Variants in CNTNAP5 observed in about 807,000 individuals in gnomAD.
The protein encoded by CNTNAP5 is contactin-associated protein-like 5.
In CNTNAP5, 72 loss-of-function variants were observed where a neutral mutation model predicts 150.2. The ratio of observed to expected loss-of-function variants is 0.48; its 90% CI spans 0.40 to 0.58. CNTNAP5 has a LOEUF of 0.58. Ranked by LOEUF, CNTNAP5 falls within the 20% of genes least tolerant of loss-of-function variation. The pLI is 0.00. For synonymous variants in CNTNAP5, 672 were observed against 619.8 expected (o/e 1.08, Z -1.25); for missense variants, 1,636 against 1,626.2 (o/e 1.01, Z -0.10).
intron 10 of CNTNAP5, among the ~76,000 whole-genome samples, chr2:124,561,046 T>C (rs1401704908): frequency 6.6e-6 from 1 of 152,100 alleles, no homozygotes; most frequent in Admixed American, 6.5e-5. Context: ...ATTTCTTGTT[T>C]TGTTGGGGGA....
At chr2:124,579,159 G>C (rs2104947096) in intron 11 of CNTNAP5, among the ~76,000 whole-genome samples, 1 of 152,260 alleles carries the variant, frequency 6.6e-6, no homozygotes, top group South Asian at 2.1e-4. Flanking sequence ...CAAAAATAAT[G>C]CTGCCAGGAG....
At chr2:124,866,581 G>A (rs762561505) in intron 20 of CNTNAP5, among the ~76,000 whole-genome samples, 17 of 152,024 alleles carry the variant, frequency 1.1e-4, no homozygotes, top group Non-Finnish European at 1.8e-4. Flanking sequence ...ACAGGGAGGA[G>A]GAGAGTGCTC....
chr2:124,886,011 G>A (rs555634157), intron 21 of CNTNAP5, among the ~76,000 whole-genome samples: 85 of 151,962 alleles, frequency 5.6e-4, no homozygotes, highest in Non-Finnish European at 9.0e-4. Flanking sequence ...CCTTTTGAAA[G>A]CCATTAACAC....
intron 14 of CNTNAP5, among the ~76,000 whole-genome samples, chr2:124,756,936 TAAAAA>T (rs1398739531): frequency 2.0e-5 from 3 of 151,602 alleles, no homozygotes; most frequent in African/African-American, 4.9e-5. Flanking sequence ...AAGTTGGAAA[TAAAAA>T]GAAAAGAAAC....
At chr2:124,749,299 G>A (rs1180883078) in intron 14 of CNTNAP5, among the ~76,000 whole-genome samples, 1 of 152,014 alleles carries the variant, frequency 6.6e-6, no homozygotes, top group African/African-American at 2.4e-5. Flanking sequence ...AGGTAGAAGT[G>A]CTTCCCCCTA....
intron 3 of CNTNAP5, among the ~76,000 whole-genome samples, chr2:124,376,209 G>A (rs937693948): frequency 9.9e-5 from 15 of 152,026 alleles, no homozygotes; most frequent in Non-Finnish European, 2.2e-4. Context: ...CATGAATTCA[G>A]GCGAAATAAA....
intron 3 of CNTNAP5, among the ~76,000 whole-genome samples, chr2:124,396,132 C>T (rs557139425): frequency 2.0e-5 from 3 of 152,158 alleles, no homozygotes; most frequent in Non-Finnish European, 4.4e-5. Context: ...CTTATAAGAC[C>T]TTGCAAGTCA....
chr2:124,131,408 A>T (rs1260018282), intron 1 of CNTNAP5, among the ~76,000 whole-genome samples: 1 of 152,182 alleles, frequency 6.6e-6, no homozygotes, highest in Non-Finnish European at 1.5e-5. Context: ...AAGTATTACT[A>T]ACTGCATTTG....
chr2:124,233,068 T>C (rs1686664139), intron 2 of CNTNAP5, among the ~76,000 whole-genome samples: 1 of 151,170 alleles, frequency 6.6e-6, no homozygotes, highest in African/African-American at 2.4e-5. Flanking sequence ...TACAAAAGGA[T>C]TAAAGGTAAA....
intron 3 of CNTNAP5, among the ~76,000 whole-genome samples, chr2:124,329,526 G>A (rs999860722): frequency 5.9e-5 from 9 of 152,072 alleles, no homozygotes; most frequent in African/African-American, 2.2e-4. Flanking sequence ...TGCTCAGCAT[G>A]CCAAAGCTCC....
chr2:124,894,643 T>A (rs1383027459), intron 21 of CNTNAP5, among the ~76,000 whole-genome samples: 3 of 150,890 alleles, frequency 2.0e-5, no homozygotes, highest in African/African-American at 7.4e-5. Context: ...AGCCTCGACC[T>A]CCAAGTTTCA....
At chr2:124,731,434 C>T (rs776058866) in intron 13 of CNTNAP5, among the ~76,000 whole-genome samples, 22 of 151,170 alleles carry the variant, frequency 1.5e-4, no homozygotes, top group Non-Finnish European at 2.1e-4. Context: ...GTGATAAATT[C>T]TTGTCGAATC....
intron 19 of CNTNAP5, among the ~76,000 whole-genome samples, chr2:124,819,973 T>C (rs1040704650): frequency 6.6e-6 from 1 of 152,190 alleles, no homozygotes; most frequent in Non-Finnish European, 1.5e-5. Context: ...AAATTGCATA[T>C]CAACTTAAGG....
At chr2:124,771,375 G>A (rs1480116604) in intron 16 of CNTNAP5, among the ~76,000 whole-genome samples, 2 of 152,066 alleles carry the variant, frequency 1.3e-5, no homozygotes, top group African/African-American at 4.8e-5. Flanking sequence ...ATTGTTATGT[G>A]ATAATGGAAA....
chr2:124,148,194 T>C (rs1684301060), intron 1 of CNTNAP5, among the ~76,000 whole-genome samples: 1 of 151,720 alleles, frequency 6.6e-6, no homozygotes, highest in Admixed American at 6.6e-5. Context: ...CATCTCATGA[T>C]TGAAAATATT....
At chr2:124,646,927 C>A (rs556390434) in intron 12 of CNTNAP5, among the ~76,000 whole-genome samples, 4 of 152,264 alleles carry the variant, frequency 2.6e-5, no homozygotes, top group South Asian at 4.1e-4. Context: ...GAGTTATGAT[C>A]ACCCTACTGC....
intron 1 of CNTNAP5, among the ~76,000 whole-genome samples, chr2:124,140,889 GA>G (rs1245957157): frequency 1.6e-5 from 1 of 63,300 alleles, no homozygotes; most frequent in Non-Finnish European, 3.3e-5. Context: ...TGAAAACTTT[GA>G]AAAAAATTTA....
intron 13 of CNTNAP5, among the ~76,000 whole-genome samples, chr2:124,744,864 G>T (rs1355586139): frequency 2.6e-5 from 4 of 152,108 alleles, no homozygotes; most frequent in East Asian, 1.9e-4. Flanking sequence ...ACTGCACAGA[G>T]ACCAAGACAC....
intron 13 of CNTNAP5, among the ~76,000 whole-genome samples, chr2:124,657,765 G>A (rs1052259231): frequency 6.6e-6 from 1 of 152,026 alleles, no homozygotes; most frequent in Non-Finnish European, 1.5e-5. Flanking sequence ...GTTGCTTCTT[G>A]CCCAGCTTGC....
Sources: gnomAD v4.1 joint callset for allele counts (sites outside exome capture counted in the v4.1 genomes callset) on GRCh38, gnomAD v4.1.1 for gene constraint, MANE v1.5 for transcripts, NCBI Gene and HGNC (gene_info 2026-07-23, HGNC 2026-07-21) for gene names.